The following TRIM67 variants were observed in gnomAD, a reference collection of about 807,000 sequenced individuals.
The protein encoded by TRIM67 is tripartite motif containing 67, also known as tripartite motif-containing protein 67.
In TRIM67, 39 loss-of-function variants were observed where a neutral mutation model predicts 71.0. That is an observed-to-expected ratio of 0.55 (90% CI 0.43 to 0.72). TRIM67 has a LOEUF of 0.72. TRIM67 is among the 30% of genes least tolerant of loss of function. The pLI is 0.00. For synonymous variants in TRIM67, 481 were observed against 473.9 expected, an observed-to-expected ratio of 1.01 and a Z score of -0.19; for missense variants, 973 against 1,079.2, an observed-to-expected ratio of 0.90 and a Z score of 1.38.
chr1:231,196,287 T>C (rs1183180790), intron 1 of TRIM67, among the ~76,000 whole-genome samples: 3 of 151,982 alleles, frequency 2.0e-5, no homozygotes, highest in Admixed American at 2.0e-4. Flanking sequence ...CTTTTTAATG[T>C]GGAAAATGAG....
chr1:231,185,586 G>A (rs1683048593), intron 1 of TRIM67, among the ~76,000 whole-genome samples: 1 of 151,820 alleles, frequency 6.6e-6, no homozygotes, highest in Non-Finnish European at 1.5e-5. Flanking sequence ...TTGCCTAGGG[G>A]AGCCCAGACG....
Position 231,162,938 on chromosome 1 carries a change from A to C in TRIM67, c.-32A>C. ...TCCCGAGCTCCGGCCATTCATCCCC[A>C]GCGCAGAGCAGCGCTGGCAGCCGGC... is the stretch of plus-strand genomic sequence containing the variant. On this transcript the variant is annotated 5_prime_UTR_variant, in exon 1 of 10. Coordinates refer to ENST00000366653, the MANE Select transcript of TRIM67 (RefSeq NM_001004342.5). The C allele has an allele frequency of 1.9e-6, 3 of 1,601,784 alleles. No individual in the cohort carries two copies. In the Admixed American group the frequency reaches 5.1e-5, roughly 27 times the overall value.
chr1:231,200,425 A>G (rs182813311), intron 4 of TRIM67, among the ~76,000 whole-genome samples, 167 bp downstream of exon 4: 1 of 152,176 alleles, frequency 6.6e-6, no homozygotes, highest in Non-Finnish European at 1.5e-5. Context: ...TCTGACTCTC[A>G]CTAGATGTGA....
At position 231,219,186 on chromosome 1, in the gene TRIM67, T is replaced by G. The variant is rs994345450; in HGVS notation, c.*3746T>G. The G allele has an allele frequency of 2.0e-6, 2 of 985,454 alleles. No individual in the cohort carries two copies. The highest frequency in any genetic ancestry group is 1.2e-4 in the Admixed American group (2 of 16,282). The allele number at this position is 985,454 out of a possible 1,614,324, so 61.0% of individuals were successfully genotyped here. On this transcript the variant is annotated 3_prime_UTR_variant, in exon 10 of 10. Transcript: ENST00000366653. ...GCCCGTGGGGTGGCGCCAGGGTTTC[T>G]CAACCTCTACTGACATTTTGCGATA...
At chr1:231,186,017 T>C in intron 1 of TRIM67, 2 of 1,400,578 alleles carry the variant, frequency 1.4e-6, no homozygotes, top group African/African-American at 1.4e-5. Flanking sequence ...AGATAGGTGC[T>C]TGGGTTGCAG....
Position 231,174,152 on chromosome 1 carries a change from CTTT to C in TRIM67, c.1044+10154_1044+10156del, listed in dbSNP as rs35651112. ...CTTCTTTTTTCTTTTGTCTTATTTTCTTTTTTTTTTTTTTTTTCTATTTAGAGA... is the reference window on the plus strand; with the variant it reads ...CTTCTTTTTTCTTTTGTCTTATTTTCTTTTTTTTTTTTTTCTATTTAGAGA... On this transcript the variant is annotated intron_variant, in intron 1 of 9. Transcript: ENST00000366653. Among the ~76,000 whole-genome samples, 771 of 127,350 alleles carry C rather than the reference CTTT, an allele frequency of 6.1e-3. 12 individuals are homozygous for C. The highest frequency in any genetic ancestry group is 0.02 in the African/African-American group (700 of 34,620). The allele number at this position is 127,350 out of a possible 152,430, so 83.5% of individuals were successfully genotyped here. A position where few individuals can be genotyped will look rare whatever the true frequency, so the allele number is the denominator to read the frequency against.
intron 1 of TRIM67, among the ~76,000 whole-genome samples, chr1:231,191,570 G>C (rs1485484471): frequency 6.6e-6 from 1 of 152,016 alleles, no homozygotes; most frequent in African/African-American, 2.4e-5. Context: ...AATAGAGACA[G>C]GGCATCAGGA....
At chr1:231,192,501 C>G (rs1253752339) in intron 1 of TRIM67, among the ~76,000 whole-genome samples, 1 of 152,112 alleles carries the variant, frequency 6.6e-6, no homozygotes, top group Non-Finnish European at 1.5e-5. Flanking sequence ...AAAAAAAAAT[C>G]GTTTGTTCTT....
In TRIM67 at chr1:231,209,203, G is replaced by A; in HGVS notation, c.2076G>A (p.Val692=). 6.3e-7 allele frequency: 1 copy of A among 1,594,316 alleles called. No individual in the cohort carries two copies. Among genetic ancestry groups the A allele is most frequent in the South Asian group, 1.1e-5 (1 of 89,222 alleles). The change falls in exon 8 of 10, where the codon GTG becomes GTA. Residue 692 remains valine (V), a synonymous_variant. Transcript: ENST00000366653. This position sits in a 1 kb window ranked among gnomAD's most constrained non-coding sequence, Gnocchi z 4.1. ...GKDDKAWAMY[V]DNNRSWFMHC... ...ATGACAAGGCCTGGGCCATGTATGT[G>A]GACAACAACCGCAGCTGGTTCATGC...
chr1:231,189,453 G>A (rs1683175449), intron 1 of TRIM67, among the ~76,000 whole-genome samples: 3 of 152,154 alleles, frequency 2.0e-5, no homozygotes. Context: ...CACCAGAAAG[G>A]TTCTTGTAAG....
chr1:231,213,868 A>T lies in TRIM67; in HGVS notation c.2177A>T (p.Asn726Ile), dbSNP rs757232732. ...GATVGVLLDL[N>I]KHTLTFFING... ...ACCGTGGGCGTGCTGCTGGACCTGA[A>T]TAAGCACACTCTCACCTTCTTCATC... The change falls in exon 9 of 10, where the codon AAT becomes ATT. Residue 726 changes from asparagine to isoleucine, a missense_variant. Transcript: ENST00000366653. The T allele has an allele frequency of 6.2e-7, 1 of 1,613,660 alleles. No homozygotes were observed. Among genetic ancestry groups the T allele is most frequent in the Non-Finnish European group, 8.5e-7 (1 of 1,179,698 alleles).
Position 231,169,368 on chromosome 1 carries a change from CTTTTTTTTTT to C in TRIM67, c.1044+5371_1044+5380del, listed in dbSNP as rs775082418. On this transcript the variant is annotated intron_variant, in intron 1 of 9. Coordinates refer to ENST00000366653, the MANE Select transcript of TRIM67 (RefSeq NM_001004342.5). ...CTGCACCAGCCTTCGATTCTTTTCTCTTTTTTTTTTTTTTTTTTTTTTTTTGAGACAACGT... is the reference window on the plus strand; with the variant it reads ...CTGCACCAGCCTTCGATTCTTTTCTCTTTTTTTTTTTTTTTGAGACAACGT... Among the ~76,000 whole-genome samples the C allele has an allele frequency of 8.6e-5, 7 of 81,664 alleles. No homozygotes were observed. The East Asian group carries it at 1.5e-3, about 17-fold the overall frequency. The allele number at this position is 81,664 out of a possible 152,430, so 53.6% of individuals were successfully genotyped here.
chr1:231,175,133 G>A (rs1682711043), intron 1 of TRIM67, among the ~76,000 whole-genome samples: 1 of 152,218 alleles, frequency 6.6e-6, no homozygotes, highest in African/African-American at 2.4e-5. Context: ...AGTTTCATGT[G>A]AATGTCACCA....
Position 231,220,023 on chromosome 1 carries a change from C to T in TRIM67, c.*4583C>T, listed in dbSNP as rs1684103130. The T allele has an allele frequency of 2.6e-6, 3 of 1,170,198 alleles. No homozygotes were observed. In the South Asian group the frequency reaches 3.8e-5, roughly 15 times the overall value. The allele number at this position is 1,170,198 out of a possible 1,614,324, so 72.5% of individuals were successfully genotyped here. A position where few individuals can be genotyped will look rare whatever the true frequency, so the allele number is the denominator to read the frequency against. The stretch of plus-strand genomic sequence containing the variant: ...TATCCTTTCTGTGCCTCAGTATCCC[C>T]ACCTGAAATGAGACTAGTCATACTA... On this transcript the variant is annotated 3_prime_UTR_variant, in exon 10 of 10. Coordinates refer to ENST00000366653, the MANE Select transcript of TRIM67 (RefSeq NM_001004342.5).
At chr1:231,187,739 G>A in intron 1 of TRIM67, 1 of 612,836 alleles carries the variant, frequency 1.6e-6, no homozygotes, top group South Asian at 2.1e-5. Flanking sequence ...ACGTGGCTGG[G>A]TAGCCAGAGG....
At chr1:231,170,633 G>C (rs1325392063) in intron 1 of TRIM67, among the ~76,000 whole-genome samples, 59 of 152,234 alleles carry the variant, frequency 3.9e-4, no homozygotes, top group Non-Finnish European at 4.4e-5. Flanking sequence ...GAGTGTTCTA[G>C]ATGGGAGGAA....
Position 231,217,996 on chromosome 1 carries a change from AAT to A in TRIM67, c.*2558_*2559del. 8.3e-7 allele frequency: 1 copy of A among 1,208,328 alleles called. No homozygotes were observed. Among genetic ancestry groups the A allele is most frequent in the Non-Finnish European group, 1.1e-6 (1 of 950,562 alleles). The allele number at this position is 1,208,328 out of a possible 1,614,324, so 74.9% of individuals were successfully genotyped here. A position where few individuals can be genotyped will look rare whatever the true frequency, so the allele number is the denominator to read the frequency against. The stretch of plus-strand genomic sequence containing the variant: ...CTGACTCCTCCAGGAGCCCAGAAGC[AAT>A]ACGGCCGATGCCAGGGACAGCATCC... On this transcript the variant is annotated 3_prime_UTR_variant, in exon 10 of 10. Coordinates refer to ENST00000366653, the MANE Select transcript of TRIM67 (RefSeq NM_001004342.5).
chr1:231,169,270 G>A (rs909009598), intron 1 of TRIM67, among the ~76,000 whole-genome samples: 8 of 151,500 alleles, frequency 5.3e-5, no homozygotes, highest in African/African-American at 1.7e-4. Context: ...GGCCAGGCTG[G>A]TCTTGAACCC....
chr1:231,215,923 C>T lies in TRIM67; in HGVS notation c.*483C>T. 1.0e-6 allele frequency: 1 copy of T among 989,294 alleles called. No individual in the cohort carries two copies. Among genetic ancestry groups the T allele is most frequent in the Non-Finnish European group, 1.2e-6 (1 of 832,686 alleles). The allele number at this position is 989,294 out of a possible 1,614,324, so 61.3% of individuals were successfully genotyped here. A position where few individuals can be genotyped will look rare whatever the true frequency, so the allele number is the denominator to read the frequency against. Reference sequence around the variant, plus strand: ...GAGTCCCGAGATTGCAGATTCTCATCATGCTGAGAAAGTTATCTTTTAGCT... The same window carrying T: ...GAGTCCCGAGATTGCAGATTCTCATTATGCTGAGAAAGTTATCTTTTAGCT... On this transcript the variant is annotated 3_prime_UTR_variant, in exon 10 of 10. Transcript: ENST00000366653.
Sources: allele counts gnomAD v4.1 joint callset (sites outside exome capture counted in the v4.1 genomes callset), GRCh38; gene constraint gnomAD v4.1.1; non-coding constraint Gnocchi (gnomAD v3.1); transcripts MANE v1.5; gene names NCBI Gene and HGNC (gene_info 2026-07-23, HGNC 2026-07-21).